SPATA1: variants seen among roughly 807,000 people sequenced by gnomAD.
SPATA1 encodes spermatogenesis-associated protein 1.
A neutral mutation model predicts 59.6 loss-of-function variants in SPATA1; 57 were observed. The observed-to-expected ratio is 0.96, with a 90% CI of 0.77 to 1.19. The LOEUF is 1.19. SPATA1 is among the 50% of genes most tolerant of loss of function. SPATA1 has a pLI of 0.00. For synonymous variants in SPATA1, 147 were observed against 163.9 expected (o/e 0.90, Z 0.79); for missense variants, 448 against 480.7 (o/e 0.93, Z 0.64).
intron 6 of SPATA1, among the ~76,000 whole-genome samples, chr1:84,528,537 A>G (rs1439307013): frequency 6.6e-6 from 1 of 152,142 alleles, no homozygotes; most frequent in Non-Finnish European, 1.5e-5. Context: ...AGTCAACCAT[A>G]CCTATTTATT....
chr1:84,514,690 G>T (rs569046119), intron 1 of SPATA1, among the ~76,000 whole-genome samples: 2 of 152,242 alleles, frequency 1.3e-5, no homozygotes, highest in African/African-American at 2.4e-5. Context: ...GTTCTGGGAC[G>T]GGCACAGTGG....
chr1:84,551,887 C>T (rs1377452886), intron 12 of SPATA1: 1 of 152,028 alleles, frequency 6.6e-6, no homozygotes, highest in Admixed American at 6.6e-5. Context: ...GATTATGACT[C>T]CCCTCATGCT....
intron 9 of SPATA1, among the ~76,000 whole-genome samples, chr1:84,545,192 G>C (rs1000896483): frequency 6.7e-6 from 1 of 150,180 alleles, no homozygotes; most frequent in Non-Finnish European, 1.5e-5. Flanking sequence ...ACTCCAGCCT[G>C]AGCAACAGAG....
chr1:84,520,581 T>G lies in SPATA1; in HGVS notation c.37-4T>G, dbSNP rs373598085. The stretch of plus-strand genomic sequence containing the variant: ...TTAACCGATGTTCTTCTCAATTTAT[T>G]CAGTTGGTGGAACTTCATGTTTTTT... On this transcript the variant is annotated splice_polypyrimidine_tract_variant and splice_region_variant and intron_variant, in intron 2 of 12. Transcript: ENST00000490879. The G allele has an allele frequency of 2.7e-6, 4 of 1,497,412 alleles. No individual in the cohort carries two copies. Among genetic ancestry groups the G allele is most frequent in the South Asian group, 1.3e-5 (1 of 77,670 alleles). The allele number at this position is 1,497,412 out of a possible 1,614,324, so 92.8% of individuals were successfully genotyped here.
At chr1:84,508,007 T>C (rs968977766) in intron 1 of SPATA1, among the ~76,000 whole-genome samples, 38 of 152,084 alleles carry the variant, frequency 2.5e-4, no homozygotes, top group Admixed American at 2.0e-4. Flanking sequence ...TGAGGCCTGG[T>C]ATGGTGGCTC....
At position 84,532,915 on chromosome 1, in the gene SPATA1, T is replaced by C. The variant is rs147584567; in HGVS notation, c.600T>C (p.Asn200=). 105 of 1,552,306 alleles carry C rather than the reference T, an allele frequency of 6.8e-5. No homozygotes were observed. In the Admixed American group the frequency reaches 9.0e-4, roughly 13 times the overall value. Reference sequence around the variant, plus strand: ...AAATTGCAAAAAATCAAATTGGAAATTCTGAGTTGCCAGGATCATTGGAAG... The same window carrying C: ...AAATTGCAAAAAATCAAATTGGAAACTCTGAGTTGCCAGGATCATTGGAAG... Residue 200 remains asparagine (N), a synonymous_variant, in exon 7 of 13, where the codon AAT becomes AAC. Transcript: ENST00000490879.
Position 84,545,669 on chromosome 1 carries a change from GAAGA to G in SPATA1, c.862_865del (p.Arg288GlyfsTer10). The G allele has an allele frequency of 3.9e-6, 6 of 1,525,270 alleles. No individual in the cohort carries two copies. Among genetic ancestry groups the G allele is most frequent in the Non-Finnish European group, 3.5e-6 (4 of 1,143,818 alleles). The allele number at this position is 1,525,270 out of a possible 1,614,324, so 94.5% of individuals were successfully genotyped here. A position where few individuals can be genotyped will look rare whatever the true frequency, so the allele number is the denominator to read the frequency against. ...TATCAAACAAATGAAACAAGTAAAG[GAAGA>G]AAGAAGGTATCTGGAAAGAAATAGA... On this transcript the variant is annotated frameshift_variant, in exon 10 of 13. Transcript: ENST00000490879. LOFTEE classifies it high-confidence loss of function.
At chr1:84,552,069 A>G (rs940419660) in intron 12 of SPATA1, 2 of 152,198 alleles carry the variant, frequency 1.3e-5, no homozygotes, top group Admixed American at 1.3e-4. Context: ...CTGGGGGGAA[A>G]AAATCCTGTA....
intron 1 of SPATA1, 92 bp from the exon 2 acceptor site, chr1:84,516,131 T>C: frequency 2.3e-6 from 1 of 428,566 alleles, no homozygotes; most frequent in Non-Finnish European, 4.1e-6. Flanking sequence ...CCTTTTGAGT[T>C]AGAATAATAA....
chr1:84,558,492 C>T (rs1684520031), downstream of SPATA1, among the ~76,000 whole-genome samples: 2 of 151,190 alleles, frequency 1.3e-5, no homozygotes, highest in Non-Finnish European at 3.0e-5. Context: ...GGGGTTTCAC[C>T]GTTTTAGCCG....
chr1:84,554,872 C>T, downstream of SPATA1: 1 of 729,300 alleles, frequency 1.4e-6, no homozygotes, highest in East Asian at 2.8e-5. Context: ...ACAATCAAAA[C>T]ATTTATTTAT....
At chr1:84,544,706 G>A (rs773056015) in intron 9 of SPATA1, among the ~76,000 whole-genome samples, 23 of 151,602 alleles carry the variant, frequency 1.5e-4, no homozygotes, top group African/African-American at 3.9e-4. Context: ...GATTACAGGC[G>A]TGCACCACCA....
At chr1:84,554,712 T>C (rs1402720509), downstream of SPATA1, 4 of 268,960 alleles carry the variant, frequency 1.5e-5, no homozygotes, top group South Asian at 2.8e-4. Flanking sequence ...AAGGGAAATA[T>C]GGCATAATAA....
exon 10 of SPATA1, chr1:84,545,636 GAGA>G (rs1160455077): frequency 2.4e-5 from 37 of 1,510,574 alleles, no homozygotes; most frequent in East Asian, 7.6e-5. Context: ...CTCTTTAGGA[GAGA>G]AGATTATCAA....
At chr1:84,545,609 T>A in intron 9 of SPATA1, 25 bp from the exon 10 acceptor site, 2 of 1,488,764 alleles carry the variant, frequency 1.3e-6, no homozygotes. Flanking sequence ...GAGACATTGA[T>A]GAATATGAGT....
chr1:84,537,767 A>G (rs921978136), intron 8 of SPATA1, among the ~76,000 whole-genome samples: 1 of 152,194 alleles, frequency 6.6e-6, no homozygotes, highest in African/African-American at 2.4e-5. Context: ...GTGTTCCACC[A>G]ATAGGGTGGA....
chr1:84,529,864 T>TC (rs1683395572), intron 6 of SPATA1, among the ~76,000 whole-genome samples: 1 of 150,250 alleles, frequency 6.7e-6, no homozygotes, highest in Non-Finnish European at 1.5e-5. Context: ...AACTCTTTTT[T>TC]TTTTTTTTTG....
chr1:84,532,542 G>A (rs779154097), intron 6 of SPATA1, among the ~76,000 whole-genome samples: 3 of 151,926 alleles, frequency 2.0e-5, no homozygotes, highest in Non-Finnish European at 2.9e-5. Context: ...TACCTACCCC[G>A]CTCTTGCAGA....
At chr1:84,536,825 G>A (rs1683708607) in intron 8 of SPATA1, among the ~76,000 whole-genome samples, 1 of 151,264 alleles carries the variant, frequency 6.6e-6, no homozygotes. Flanking sequence ...TATAGTGGCT[G>A]TTTTGTGTCA....
Sources: allele counts gnomAD v4.1 joint callset (sites outside exome capture counted in the v4.1 genomes callset), GRCh38; gene constraint gnomAD v4.1.1; transcripts MANE v1.5; gene names NCBI Gene and HGNC (gene_info 2026-07-23, HGNC 2026-07-21).